GRIK1: variants seen among roughly 807,000 people sequenced by gnomAD.
The protein encoded by GRIK1 is glutamate receptor ionotropic, kainate 1.
A neutral mutation model predicts 105.7 loss-of-function variants in GRIK1; 69 were observed. The ratio of observed to expected loss-of-function variants is 0.65; its 90% CI spans 0.54 to 0.80. GRIK1 has a LOEUF of 0.80. Among genes scored for constraint, GRIK1 ranks in the 30% least tolerant of loss-of-function variants. The pLI is 0.00. For missense variants in GRIK1, 1,109 were observed against 1,167.3 expected, an observed-to-expected ratio of 0.95 and a Z score of 0.73; for synonymous variants, 438 against 431.3, an observed-to-expected ratio of 1.02 and a Z score of -0.19.
chr21:29,591,074 C>G, intron 10 of GRIK1, 38 bp downstream of exon 10: 1 of 1,095,384 alleles, frequency 9.1e-7, no homozygotes, highest in Non-Finnish European at 1.4e-6. Flanking sequence ...AGGCAGGAGC[C>G]TGGATAAGAC....
chr21:29,701,091 T>C (rs754462157), intron 1 of GRIK1, among the ~76,000 whole-genome samples: 1 of 152,250 alleles, frequency 6.6e-6, no homozygotes, highest in Non-Finnish European at 1.5e-5. Flanking sequence ...ATATATATTA[T>C]GTCCATGATT....
intron 1 of GRIK1, among the ~76,000 whole-genome samples, chr21:29,763,054 G>T (rs1053520936): frequency 1.3e-5 from 2 of 152,270 alleles, no homozygotes; most frequent in South Asian, 2.1e-4. Context: ...CTGCTAAGGG[G>T]ACTGATATGG....
intron 4 of GRIK1, among the ~76,000 whole-genome samples, chr21:29,655,136 C>CAGTG (rs2062824163): frequency 6.6e-6 from 1 of 152,198 alleles, no homozygotes; most frequent in Non-Finnish European, 1.5e-5. Flanking sequence ...GGGCCAGGTG[C>CAGTG]AGTGGCACAA....
chr21:29,858,119 G>A (rs916764080), intron 1 of GRIK1, among the ~76,000 whole-genome samples: 1 of 152,090 alleles, frequency 6.6e-6, no homozygotes, highest in Non-Finnish European at 1.5e-5. Context: ...AGCTGGTCTC[G>A]AACTCCCGGC....
intron 1 of GRIK1, among the ~76,000 whole-genome samples, chr21:29,773,094 C>T (rs932326893): frequency 1.3e-5 from 2 of 152,272 alleles, no homozygotes; most frequent in East Asian, 3.9e-4. Flanking sequence ...TTAAATTCCT[C>T]AACAGAAATT....
chr21:29,631,671 C>T (rs2062275829), intron 7 of GRIK1, among the ~76,000 whole-genome samples: 1 of 152,056 alleles, frequency 6.6e-6, no homozygotes, highest in Non-Finnish European at 1.5e-5. Context: ...GTGTAAAAGA[C>T]ACAGTGGATT....
intron 14 of GRIK1, among the ~76,000 whole-genome samples, chr21:29,574,762 A>G (rs1022131679): frequency 7.3e-6 from 1 of 136,778 alleles, no homozygotes; most frequent in African/African-American, 2.8e-5. Context: ...ATCTCGGCTC[A>G]CTGCAAGCTC....
At chr21:29,937,670 C>T (rs1348174273) in intron 1 of GRIK1, among the ~76,000 whole-genome samples, 2 of 152,150 alleles carry the variant, frequency 1.3e-5, no homozygotes, top group Non-Finnish European at 2.9e-5. Context: ...GCTAGCACAG[C>T]CATTTCTAGC....
At chr21:29,845,130 A>T (rs73897875) in intron 1 of GRIK1, among the ~76,000 whole-genome samples, 1,600 of 152,286 alleles carry the variant, frequency 0.011, 26 homozygotes, top group African/African-American at 0.036. Context: ...AAATTTTTCC[A>T]GAAACAATGG....
At chr21:29,694,873 C>A (rs182445087) in intron 1 of GRIK1, among the ~76,000 whole-genome samples, 1 of 152,202 alleles carries the variant, frequency 6.6e-6, no homozygotes, top group East Asian at 1.9e-4. Context: ...TAAAAATGTC[C>A]TTTTTTGTGC....
intron 1 of GRIK1, among the ~76,000 whole-genome samples, chr21:29,911,777 A>C (rs746194514): frequency 9.2e-5 from 14 of 152,048 alleles, no homozygotes; most frequent in Non-Finnish European, 1.9e-4. Context: ...TATGAACCAG[A>C]AAGTGGGCTC....
chr21:29,718,803 C>T (rs993816194), intron 1 of GRIK1, among the ~76,000 whole-genome samples: 3 of 152,084 alleles, frequency 2.0e-5, no homozygotes, highest in African/African-American at 7.2e-5. Context: ...AATCAGAAAC[C>T]CTCTGTTATG....
chr21:29,775,557 C>A (rs568997057), intron 1 of GRIK1, among the ~76,000 whole-genome samples: 1 of 152,172 alleles, frequency 6.6e-6, no homozygotes, highest in South Asian at 2.1e-4. Context: ...TCCCTGCCAG[C>A]CCTCACAACT....
intron 9 of GRIK1, among the ~76,000 whole-genome samples, chr21:29,592,514 C>G (rs943848350): frequency 5.9e-5 from 9 of 152,136 alleles, no homozygotes; most frequent in Admixed American, 5.9e-4. Context: ...TTGTAAATGC[C>G]TATCTTTCTG....
At chr21:29,549,897 A>C (rs2090103290) in intron 16 of GRIK1, among the ~76,000 whole-genome samples, 1 of 151,978 alleles carries the variant, frequency 6.6e-6, no homozygotes, top group Non-Finnish European at 1.5e-5. Flanking sequence ...ACCTGAGGTC[A>C]GGAGTTTGAG....
At chr21:29,645,808 A>C (rs1163699746) in intron 6 of GRIK1, among the ~76,000 whole-genome samples, 1 of 152,152 alleles carries the variant, frequency 6.6e-6, no homozygotes, top group Non-Finnish European at 1.5e-5. Context: ...TTCACATTTT[A>C]TGTATATCTA....
At chr21:29,876,486 G>A (rs1372680893) in intron 1 of GRIK1, among the ~76,000 whole-genome samples, 1 of 152,054 alleles carries the variant, frequency 6.6e-6, no homozygotes, top group African/African-American at 2.4e-5. Context: ...CCCTACTGGT[G>A]TACATTTTTC....
chr21:29,909,168 G>T (rs457474), intron 1 of GRIK1, among the ~76,000 whole-genome samples: 1 of 151,616 alleles, frequency 6.6e-6, no homozygotes, highest in African/African-American at 2.4e-5. Context: ...ATCAAGCCAC[G>T]AAATTTTTAA....
chr21:29,757,593 T>A (rs191391603), intron 1 of GRIK1, among the ~76,000 whole-genome samples: 13 of 152,324 alleles, frequency 8.5e-5, no homozygotes, highest in Non-Finnish European at 1.8e-4. Context: ...ATTGTCGGCA[T>A]GAGGATAGCA....
Sources: allele counts gnomAD v4.1 joint callset (sites outside exome capture counted in the v4.1 genomes callset), GRCh38; gene constraint gnomAD v4.1.1; transcripts MANE v1.5; gene names NCBI Gene and HGNC (gene_info 2026-07-23, HGNC 2026-07-21).